Variants in SESN3 observed in about 807,000 individuals in gnomAD.
The protein encoded by SESN3 is sestrin 3.
In SESN3, 21 loss-of-function variants were observed where a neutral mutation model predicts 55.3. That is an observed-to-expected ratio of 0.38 (90% confidence interval 0.27 to 0.55). The LOEUF (loss-of-function observed/expected upper bound fraction) is 0.55. Among genes scored for constraint, SESN3 ranks in the 20% least tolerant of loss-of-function variants. The pLI is 0.76. For synonymous variants in SESN3, 181 were observed against 203.1 expected (o/e 0.89, Z 0.93); for missense variants, 408 against 604.3 (o/e 0.68, Z 3.41).
chr11:95,231,949 C>T (rs1861078933), upstream of SESN3: 1 of 152,118 alleles, frequency 6.6e-6, no homozygotes, highest in African/African-American at 2.4e-5. Context: ...TTAGCGGTTT[C>T]CTCTTGTTTG....
At chr11:95,181,474 C>T (rs570591000) in intron 6 of SESN3, among the ~76,000 whole-genome samples, 5 of 152,142 alleles carry the variant, frequency 3.3e-5, no homozygotes, top group African/African-American at 1.2e-4. Flanking sequence ...AAAACTCTAG[C>T]TTTAATTCTA....
At chr11:95,184,627 T>C in intron 5 of SESN3, 33 bp from the exon 6 acceptor site, 2 of 1,593,686 alleles carry the variant, frequency 1.3e-6, no homozygotes, top group Non-Finnish European at 1.7e-6. Flanking sequence ...TGGGTGCTAT[T>C]CATACTAAAA....
chr11:95,187,967 T>G (rs376575696), intron 4 of SESN3, among the ~76,000 whole-genome samples: 1 of 150,954 alleles, frequency 6.6e-6, no homozygotes, highest in African/African-American at 2.4e-5. Flanking sequence ...CTTACTCTCA[T>G]GCAGAATCAT....
chr11:95,230,406 C>T lies in SESN3; in HGVS notation c.78+377G>A, dbSNP rs1861032828. 1 of 186,272 alleles carries T rather than the reference C, an allele frequency of 5.4e-6. No individual in the cohort carries two copies. 11.5% of individuals were successfully genotyped at this position (186,272 alleles called of 1,614,324 possible). On this transcript the variant is annotated intron_variant, in intron 1 of 9. Coordinates refer to ENST00000536441, the MANE Select transcript of SESN3 (RefSeq NM_144665.4). The surrounding 1 kb of genome is among the most constrained non-coding windows in gnomAD (Gnocchi z 4.6). The stretch of plus-strand genomic sequence containing the variant: ...CGACCCAGCTGCTCTGATTTCACAC[C>T]GACCTCCATCAACAGCTAAACTGCA...
chr11:95,229,350 T>A lies in SESN3; in HGVS notation c.78+1433A>T, dbSNP rs964588768. On this transcript the variant is annotated intron_variant, in intron 1 of 9. Coordinates refer to ENST00000536441, the MANE Select transcript of SESN3 (RefSeq NM_144665.4). ...TGAGCAAGTATCAACTGTAATTTGA[T>A]CCTAGAGTTTATGGAAAAAAATAAC... Among the ~76,000 whole-genome samples, 4 of 152,172 alleles carry A rather than the reference T, an allele frequency of 2.6e-5. No individual in the cohort carries two copies. In the East Asian group the frequency reaches 7.7e-4, roughly 29 times the overall value.
chr11:95,174,234 TTTTC>T (rs1266284992), intron 9 of SESN3, among the ~76,000 whole-genome samples: 2 of 152,146 alleles, frequency 1.3e-5, no homozygotes. Flanking sequence ...CCTAAAAAGA[TTTTC>T]TTACTTTCAA....
At chr11:95,205,132 A>T (rs1399797170) in intron 1 of SESN3, among the ~76,000 whole-genome samples, 11 of 152,154 alleles carry the variant, frequency 7.2e-5, no homozygotes, top group South Asian at 2.1e-4. Flanking sequence ...ATAAAATACA[A>T]AGACATGACA....
At chr11:95,199,953 A>G (rs1860431370) in intron 1 of SESN3, among the ~76,000 whole-genome samples, 3 of 152,100 alleles carry the variant, frequency 2.0e-5, no homozygotes, top group African/African-American at 7.2e-5. Context: ...ATATCCTTAG[A>G]AGATAATTTA....
rs1484994298 is a variant in SESN3, at chr11:95,230,100, G to A, written c.78+683C>T. On this transcript the variant is annotated intron_variant, in intron 1 of 9. Coordinates refer to ENST00000536441, the MANE Select transcript of SESN3 (RefSeq NM_144665.4). This position sits in a 1 kb window ranked among gnomAD's most constrained non-coding sequence, Gnocchi z 4.6. ...TTTTTCTGGATCAACACGGGGGCAG[G>A]GGGGTGCTAAGGAGGAATAACCCAC... is the stretch of plus-strand genomic sequence containing the variant. 6.6e-6 allele frequency: 1 copy of A among 152,116 alleles called. No individual in the cohort carries two copies. Among genetic ancestry groups the A allele is most frequent in the Non-Finnish European group, 1.5e-5 (1 of 68,326 alleles). The allele number at this position is 152,116 out of a possible 1,614,324, so 9.4% of individuals were successfully genotyped here.
rs563322416 is a variant in SESN3 at position 95,167,475 on chromosome 11, C to CCCCATATATATATATATAT, written c.*5779_*5780insATATATATATATATATGGG. ...TCAGATATTCATTCTGTTTCCCCCC[C>CCCCATATATATATATATAT]ATATATATAATTTTTCATTCTGTAC... On this transcript the variant is annotated 3_prime_UTR_variant, in exon 10 of 10. Coordinates refer to ENST00000536441, the MANE Select transcript of SESN3 (RefSeq NM_144665.4). The CCCCATATATATATATATAT allele has an allele frequency of 2.0e-5, 3 of 150,934 alleles. No homozygotes were observed. Among genetic ancestry groups the CCCCATATATATATATATAT allele is most frequent in the African/African-American group, 7.4e-5 (3 of 40,336 alleles). The allele number at this position is 150,934 out of a possible 1,614,324, so 9.3% of individuals were successfully genotyped here.
chr11:95,215,740 A>C (rs1193323964), intron 1 of SESN3, among the ~76,000 whole-genome samples: 1 of 152,222 alleles, frequency 6.6e-6, no homozygotes, highest in East Asian at 1.9e-4. Flanking sequence ...CACATGCTCT[A>C]GAAAAGGTAT....
rs548590044 is a variant in SESN3, at chr11:95,168,304, A to G, written c.*4951T>C. 6.6e-6 allele frequency: 1 copy of G among 152,356 alleles called. No individual in the cohort carries two copies. Among genetic ancestry groups the G allele is most frequent in the South Asian group, 2.1e-4 (1 of 4,828 alleles). 9.4% of individuals were successfully genotyped at this position (152,356 alleles called of 1,614,324 possible). On this transcript the variant is annotated 3_prime_UTR_variant, in exon 10 of 10. Coordinates refer to ENST00000536441, the MANE Select transcript of SESN3 (RefSeq NM_144665.4). ...TCAAATAGCTTGGACTAACAACAGT[A>G]TTCATTCATAACCTAATACAAATCC...
At position 95,185,271 on chromosome 11, in the gene SESN3, T is replaced by C; in HGVS notation, c.747A>G (p.Ser249=). The change falls in exon 5 of 10, where the codon TCA becomes TCG. Residue 249 remains serine, a synonymous_variant. Coordinates refer to ENST00000536441, the MANE Select transcript of SESN3 (RefSeq NM_144665.4). ...GAAAACTAACCCCAAAGTTGCTGCC[T>C]GAAAGAGATGCATTCTCTATGTTGT... ...NDNNIENASL[S]GSNFGIVDSL... is the part of the protein sequence containing the mutation. 3 of 1,606,800 alleles carry C rather than the reference T, an allele frequency of 1.9e-6. No individual in the cohort carries two copies. The highest frequency in any genetic ancestry group is 2.6e-6 in the Non-Finnish European group (3 of 1,173,954).
At chr11:95,198,850 A>G (rs1860411175) in intron 1 of SESN3, among the ~76,000 whole-genome samples, 1 of 152,158 alleles carries the variant, frequency 6.6e-6, no homozygotes, top group African/African-American at 2.4e-5. Context: ...GCTTTGTAAT[A>G]TTGTTCAGCT....
intron 1 of SESN3, among the ~76,000 whole-genome samples, chr11:95,221,517 C>T (rs1860859355): frequency 6.6e-6 from 1 of 152,068 alleles, no homozygotes; most frequent in East Asian, 1.9e-4. Context: ...AAGAACATAT[C>T]CTTCCACTAC....
chr11:95,201,187 T>C lies in SESN3; in HGVS notation c.79-7665A>G, dbSNP rs576854366. 3.3e-5 allele frequency: 5 copies of C among 152,180 alleles called. No homozygotes were observed. In the East Asian group the frequency reaches 9.6e-4, roughly 29 times the overall value. The allele number at this position is 152,180 out of a possible 1,614,324, so 9.4% of individuals were successfully genotyped here. ...GTGCCATTTGGTAAGAACCATTACA[T>C]AAATTTTACTTGTTTTACTAACTGT... is the stretch of plus-strand genomic sequence containing the variant. On this transcript the variant is annotated intron_variant, in intron 1 of 9. Transcript: ENST00000536441.
intron 2 of SESN3, among the ~76,000 whole-genome samples, chr11:95,193,071 A>T (rs1243888874): frequency 3.3e-5 from 5 of 152,228 alleles, no homozygotes; most frequent in East Asian, 1.9e-4. Context: ...AATAGGCATA[A>T]GCAGGATAGC....
At chr11:95,189,986 T>C (rs2134233734) in intron 3 of SESN3, 25 bp from the exon 4 acceptor site, 1 of 1,550,816 alleles carries the variant, frequency 6.4e-7, no homozygotes. Flanking sequence ...AAAAAATTCA[T>C]TGATAAAAGA....
intron 1 of SESN3, among the ~76,000 whole-genome samples, chr11:95,225,851 T>A (rs1402579470): frequency 6.6e-6 from 1 of 152,148 alleles, no homozygotes; most frequent in African/African-American, 2.4e-5. Context: ...CCCCCCCTTT[T>A]ATTAAGCACA....
Sources: allele counts gnomAD v4.1 joint callset (sites outside exome capture counted in the v4.1 genomes callset), GRCh38; gene constraint gnomAD v4.1.1; non-coding constraint Gnocchi (gnomAD v3.1); transcripts MANE v1.5; gene names NCBI Gene and HGNC (gene_info 2026-07-23, HGNC 2026-07-21).